AGO2: variants seen among roughly 807,000 people sequenced by gnomAD.
AGO2 encodes protein argonaute-2.
In AGO2, 5 loss-of-function variants were observed where a neutral mutation model predicts 102.3. The observed-to-expected ratio is 0.05, with a 90% confidence interval of 0.03 to 0.10. The LOEUF (loss-of-function observed/expected upper bound fraction) is 0.10, where lower values mean the gene tolerates loss of function less well. Ranked by LOEUF, AGO2 falls within the 10% of genes least tolerant of loss-of-function variation. The probability of loss-of-function intolerance (pLI) is 1.00; values close to 1 mark genes in which losing one functional copy is unlikely to be tolerated. For synonymous variants in AGO2, 449 were observed against 473.1 expected, an observed-to-expected ratio of 0.95 and a Z score of 0.66; for missense variants, 541 against 1,183.7, an observed-to-expected ratio of 0.46 and a Z score of 7.97.
intron 14 of AGO2, among the ~76,000 whole-genome samples, chr8:140,542,574 A>G (rs1420131353): frequency 1.0e-4 from 11 of 108,448 alleles, no homozygotes; most frequent in South Asian, 5.4e-4. Flanking sequence ...TGAAAACTTG[A>G]AAAAAAAAAA....
intron 4 of AGO2, among the ~76,000 whole-genome samples, 164 bp from the exon 5 acceptor site, chr8:140,560,674 G>A (rs1450878882): frequency 6.6e-6 from 1 of 152,230 alleles, no homozygotes; most frequent in African/African-American, 2.4e-5. Context: ...CTGTGTGCAT[G>A]GCCTGCTGTG....
rs554173489 is a variant in AGO2 at position 140,545,419 on chromosome 8, C to T, written c.1749-1116G>A. Among the ~76,000 whole-genome samples the T allele has an allele frequency of 3.3e-4, 50 of 152,262 alleles. No individual in the cohort carries two copies. In the South Asian group the frequency reaches 8.7e-3, roughly 26 times the overall value. ...GCCGGCCTCCCTGCCCCAGCCTCTC[C>T]CATCTCCGCTGCTGGTTCCTCCCTC... On this transcript the variant is annotated intron_variant, in intron 13 of 18. Coordinates refer to ENST00000220592, the MANE Select transcript of AGO2 (RefSeq NM_012154.5).
intron 10 of AGO2, among the ~76,000 whole-genome samples, chr8:140,551,691 T>TGATGGGTGGGTGGATGGTA (rs1405715928): frequency 2.0e-5 from 3 of 147,608 alleles, no homozygotes; most frequent in East Asian, 2.0e-4. Flanking sequence ...GGTGGATGGT[T>TGATGGGTGGGTGGATGGTA]GATGGGTCGG....
rs1356392375 is a variant in AGO2, at chr8:140,635,456, G to C, written c.22+29C>G. ...CACGGGCAGGAGCGCGCGAACGGCC[G>C]GGCGGGCGCCCCGAGCGCCAGGACT... On this transcript the variant is annotated intron_variant, in intron 1 of 18. Transcript: ENST00000220592. The C allele has an allele frequency of 1.1e-5, 11 of 979,878 alleles. No individual in the cohort carries two copies. The East Asian group carries it at 8.1e-4, about 72-fold the overall frequency. The allele number at this position is 979,878 out of a possible 1,614,324, so 60.7% of individuals were successfully genotyped here.
upstream of AGO2, among the ~76,000 whole-genome samples, chr8:140,639,189 T>A (rs1199504986): frequency 6.6e-6 from 1 of 152,188 alleles, no homozygotes. Flanking sequence ...TTTGTTTTGT[T>A]TTTTAATTAA....
At chr8:140,548,224 G>A (rs1472238478) in intron 12 of AGO2, among the ~76,000 whole-genome samples, 1 of 151,060 alleles carries the variant, frequency 6.6e-6, no homozygotes. Flanking sequence ...GCTGAGGCAG[G>A]AGAATTGCTT....
Position 140,523,034 on chromosome 8 carries a change from C to G in AGO2, c.*9010G>C, listed in dbSNP as rs929328126. 1.3e-5 allele frequency: 2 copies of G among 152,170 alleles called. No individual in the cohort carries two copies. Among genetic ancestry groups the G allele is most frequent in the Admixed American group, 1.3e-4 (2 of 15,278 alleles). 9.4% of individuals were successfully genotyped at this position (152,170 alleles called of 1,614,324 possible). On this transcript the variant is annotated 3_prime_UTR_variant, in exon 19 of 19. Coordinates refer to ENST00000220592, the MANE Select transcript of AGO2 (RefSeq NM_012154.5). ...TACTATAATTTTATAATTAATTTTA[C>G]AATTCATGTAGCAAATGGAAAATCA...
intron 2 of AGO2, among the ~76,000 whole-genome samples, chr8:140,574,619 T>G (rs1033281430): frequency 1.3e-5 from 2 of 152,054 alleles, no homozygotes; most frequent in African/African-American, 4.8e-5. Flanking sequence ...CCTCGCACAC[T>G]ACGCCTGATA....
At chr8:140,579,807 C>T (rs1442825334) in intron 2 of AGO2, among the ~76,000 whole-genome samples, 1 of 152,232 alleles carries the variant, frequency 6.6e-6, no homozygotes, top group African/African-American at 2.4e-5. Flanking sequence ...TGTAAACAGG[C>T]AGGGTCCACC....
chr8:140,583,381 C>T (rs1374076066), intron 2 of AGO2, among the ~76,000 whole-genome samples: 5 of 152,206 alleles, frequency 3.3e-5, no homozygotes, highest in African/African-American at 1.2e-4. Context: ...GATATATGTA[C>T]AGTCATGCGT....
chr8:140,621,586 A>G (rs1159533196), intron 1 of AGO2, among the ~76,000 whole-genome samples: 3 of 152,278 alleles, frequency 2.0e-5, no homozygotes, highest in South Asian at 2.1e-4. Flanking sequence ...GCCTTGTTCA[A>G]TGATGTTCAC....
At chr8:140,569,255 T>A (rs1032677302) in intron 3 of AGO2, among the ~76,000 whole-genome samples, 1 of 152,226 alleles carries the variant, frequency 6.6e-6, no homozygotes, top group Non-Finnish European at 1.5e-5. Flanking sequence ...CAAGGTACAC[T>A]GCTTCCAGGC....
At chr8:140,561,151 C>T (rs2073195257) in intron 4 of AGO2, among the ~76,000 whole-genome samples, 1 of 152,258 alleles carries the variant, frequency 6.6e-6, no homozygotes, top group Non-Finnish European at 1.5e-5. Flanking sequence ...TGGAGCTACT[C>T]GACTGAAGCA....
chr8:140,533,673 T>C (rs1304823082), intron 17 of AGO2, among the ~76,000 whole-genome samples: 3 of 150,794 alleles, frequency 2.0e-5, no homozygotes, highest in Admixed American at 2.0e-4. Context: ...CATGTGTGGT[T>C]GCGTACGCCT....
At chr8:140,562,705 G>A (rs988982652) in intron 3 of AGO2, 71 bp from the exon 4 acceptor site, 2 of 1,545,798 alleles carry the variant, frequency 1.3e-6, no homozygotes, top group African/African-American at 2.7e-5. Flanking sequence ...CCTGGCAGTG[G>A]TTGGCTTCCA....
intron 1 of AGO2, among the ~76,000 whole-genome samples, chr8:140,633,310 G>C (rs1022767382): frequency 1.3e-5 from 2 of 152,136 alleles, no homozygotes; most frequent in Non-Finnish European, 2.9e-5. Context: ...AGCATAAAAT[G>C]GAACTGCACC....
At position 140,523,981 on chromosome 8, in the gene AGO2, T is replaced by C. The variant is rs1177960488; in HGVS notation, c.*8063A>G. 2 of 152,138 alleles carry C rather than the reference T, an allele frequency of 1.3e-5. No homozygotes were observed. Among genetic ancestry groups the C allele is most frequent in the African/African-American group, 2.4e-5 (1 of 41,438 alleles). The allele number at this position is 152,138 out of a possible 1,614,324, so 9.4% of individuals were successfully genotyped here. A position where few individuals can be genotyped will look rare whatever the true frequency, so the allele number is the denominator to read the frequency against. Reference sequence around the variant, plus strand: ...CAGGGACAGGTGGTTTCTCAGGCCATTGGCCAAGAAACTGCTCAATACCTG... The same window carrying C: ...CAGGGACAGGTGGTTTCTCAGGCCACTGGCCAAGAAACTGCTCAATACCTG... On this transcript the variant is annotated 3_prime_UTR_variant, in exon 19 of 19. Coordinates refer to ENST00000220592, the MANE Select transcript of AGO2 (RefSeq NM_012154.5).
In AGO2 at chr8:140,567,311, C is replaced by T. The variant is rs35840830; in HGVS notation, c.337-4677G>A. 0.026 allele frequency among the ~76,000 whole-genome samples: 3,953 copies of T among 152,362 alleles called. 72 individuals are homozygous for T. Among genetic ancestry groups the T allele is most frequent in the South Asian group, 0.038 (185 of 4,834 alleles). On this transcript the variant is annotated intron_variant, in intron 3 of 18. Transcript: ENST00000220592. The surrounding 1 kb of genome is among the most constrained non-coding windows in gnomAD (Gnocchi z 5.0). ...TGGAGATTTTACGACGGCCATCACG[C>T]CACGAGGGCAGGAGGCACATGGCTC...
intron 1 of AGO2, 98 bp downstream of exon 1, chr8:140,635,387 C>T: frequency 3.6e-6 from 3 of 837,654 alleles, no homozygotes; most frequent in South Asian, 1.1e-4. Context: ...GACCCCGCGG[C>T]CCCCCGATCC....
Sources: allele counts gnomAD v4.1 joint callset (sites outside exome capture counted in the v4.1 genomes callset), GRCh38; gene constraint gnomAD v4.1.1; non-coding constraint Gnocchi (gnomAD v3.1); transcripts MANE v1.5; gene names NCBI Gene and HGNC (gene_info 2026-07-23, HGNC 2026-07-21).